The following TBC1D2B variants were observed in gnomAD, a reference collection of about 807,000 sequenced individuals.
TBC1D2B encodes the protein TBC1 domain family, member 2B.
A neutral mutation model predicts 100.8 loss-of-function variants in TBC1D2B; 64 were observed. The ratio of observed to expected loss-of-function variants is 0.64; its 90% CI spans 0.52 to 0.78. The LOEUF is 0.78. Ranked by LOEUF, TBC1D2B falls within the 30% of genes least tolerant of loss-of-function variation. TBC1D2B has a pLI of 0.00. For synonymous variants in TBC1D2B, 480 were observed against 479.7 expected (o/e 1.00, Z -0.01); for missense variants, 1,052 against 1,218.4 (o/e 0.86, Z 2.03).
rs1296788454 is a variant in TBC1D2B at position 77,995,487 on chromosome 15, A to C, written c.*2673T>G. On this transcript the variant is annotated 3_prime_UTR_variant, in exon 13 of 13. Transcript: ENST00000300584. ...AGTGAGAGTCAGGGCCAGAGGGAAA[A>C]GCAACTCGGAGGCTGAGGCTGGCAC... is the stretch of plus-strand genomic sequence containing the variant. 2 of 152,314 alleles carry C rather than the reference A, an allele frequency of 1.3e-5. No individual in the cohort carries two copies. 9.4% of individuals were successfully genotyped at this position (152,314 alleles called of 1,614,324 possible). A position where few individuals can be genotyped will look rare whatever the true frequency, so the allele number is the denominator to read the frequency against.
intron 1 of TBC1D2B, among the ~76,000 whole-genome samples, 188 bp downstream of exon 1, chr15:78,077,105 T>C (rs1195946401): frequency 6.6e-6 from 1 of 152,206 alleles, no homozygotes; most frequent in Admixed American, 6.5e-5. Context: ...CCAGCGAGAC[T>C]GGCCTAAGCC....
rs551759490 is a variant in TBC1D2B, at chr15:78,024,444, C to T, written c.1182G>A (p.Thr394=). Residue 394 remains threonine, a synonymous_variant, in exon 6 of 13, where the codon ACG becomes ACA. Transcript: ENST00000300584. Reference sequence around the variant, plus strand: ...CATCCTTTTGGTGCAGAAGCTCGAGCGTGTCCTTTGGGACCCCCTCACAGA... The same window carrying T: ...CATCCTTTTGGTGCAGAAGCTCGAGTGTGTCCTTTGGGACCCCCTCACAGA... ...SRLCEGVPKD[T]LELLHQKDDQ... 20 of 1,614,004 alleles carry T rather than the reference C, an allele frequency of 1.2e-5. No individual in the cohort carries two copies. Among genetic ancestry groups the T allele is most frequent in the Non-Finnish European group, 1.4e-5 (16 of 1,179,898 alleles).
At chr15:78,066,135 A>C (rs1596330851) in intron 1 of TBC1D2B, 1 of 460,806 alleles carries the variant, frequency 2.2e-6, no homozygotes, top group Non-Finnish European at 4.6e-6. Flanking sequence ...TCAGGAAGGA[A>C]CCCTAGCACG....
intron 1 of TBC1D2B, among the ~76,000 whole-genome samples, chr15:78,057,259 T>C (rs1223008137): frequency 6.6e-6 from 1 of 152,148 alleles, no homozygotes; most frequent in Non-Finnish European, 1.5e-5. Flanking sequence ...TATCATATTG[T>C]AGAAATTTGG....
At chr15:78,031,447 G>A (rs781696156) in intron 3 of TBC1D2B, among the ~76,000 whole-genome samples, 16 of 150,114 alleles carry the variant, frequency 1.1e-4, no homozygotes, top group African/African-American at 2.2e-4. Context: ...CCAGCTACTC[G>A]GGAGGCTGAG....
intron 10 of TBC1D2B, among the ~76,000 whole-genome samples, chr15:78,005,299 C>G (rs2072036701): frequency 6.6e-6 from 1 of 152,198 alleles, no homozygotes; most frequent in Non-Finnish European, 1.5e-5. Context: ...GTGTCCTCAG[C>G]ACCTAGCAAG....
intron 8 of TBC1D2B, among the ~76,000 whole-genome samples, chr15:78,014,932 T>C (rs1418216632): frequency 6.6e-6 from 1 of 152,186 alleles, no homozygotes; most frequent in Non-Finnish European, 1.5e-5. Context: ...CTGGGTGCGG[T>C]GGCTGACACC....
intron 1 of TBC1D2B, among the ~76,000 whole-genome samples, chr15:78,070,590 C>A (rs762412085): frequency 6.6e-6 from 1 of 152,204 alleles, no homozygotes; most frequent in African/African-American, 2.4e-5. Context: ...CTACAGCCTG[C>A]GGTCATTTCC....
intron 12 of TBC1D2B, among the ~76,000 whole-genome samples, chr15:78,000,328 C>T (rs142053840): frequency 1.0e-3 from 159 of 152,346 alleles, no homozygotes; most frequent in African/African-American, 3.4e-3. Flanking sequence ...CACTCACCTC[C>T]GCTCCTCCTG....
chr15:78,070,307 G>A (rs77106362), intron 1 of TBC1D2B, among the ~76,000 whole-genome samples: 2 of 149,498 alleles, frequency 1.3e-5, no homozygotes, highest in Middle Eastern at 3.4e-3. Context: ...CTCAAATGTC[G>A]CTTCTTCAGG....
chr15:78,024,600 G>T, intron 5 of TBC1D2B, 61 bp from the exon 6 acceptor site: 1 of 1,462,984 alleles, frequency 6.8e-7, no homozygotes, highest in Non-Finnish European at 9.2e-7. Context: ...AGGAAAAGCA[G>T]AAATCATGAC....
chr15:78,010,117 C>A (rs566901010), intron 9 of TBC1D2B, among the ~76,000 whole-genome samples: 3 of 152,278 alleles, frequency 2.0e-5, no homozygotes, highest in Admixed American at 6.5e-5. Context: ...AAACAGCTTT[C>A]CCAACACCAT....
chr15:78,012,176 G>T (rs561570983), intron 9 of TBC1D2B, among the ~76,000 whole-genome samples: 104 of 152,336 alleles, frequency 6.8e-4, no homozygotes, highest in African/African-American at 2.4e-3. Flanking sequence ...CGCCAGCCAG[G>T]TAAGAAGCAG....
intron 6 of TBC1D2B, among the ~76,000 whole-genome samples, chr15:78,018,899 T>C (rs1008118513): frequency 1.3e-5 from 2 of 152,184 alleles, no homozygotes; most frequent in Non-Finnish European, 2.9e-5. Context: ...CTTCTAAATG[T>C]TCTTTACAAA....
chr15:78,024,264 G>T lies in TBC1D2B; in HGVS notation c.1362C>A (p.Ile454=). ...TGCCCTCGCCCTCGCTGAGCTTGAT[G>T]ATGACCTCGTCCTTGGCTTGGATGG... is the stretch of plus-strand genomic sequence containing the variant. ...METIQAKDEV[I]IKLSEGEGNG... The change falls in exon 6 of 13, where the codon ATC becomes ATA. Residue 454 remains isoleucine, a synonymous_variant. Transcript: ENST00000300584. 1 of 1,614,034 alleles carries T rather than the reference G, an allele frequency of 6.2e-7. No individual in the cohort carries two copies. Among genetic ancestry groups the T allele is most frequent in the Non-Finnish European group, 8.5e-7 (1 of 1,179,902 alleles).
Position 78,054,021 on chromosome 15 carries a change from A to G in TBC1D2B, c.514+13T>C. ...CAAAGAACTGACCCAGCTCCCCTTTATTTCTGCCTTACCAGTGTTATCTCT... is the reference window on the plus strand; with the variant it reads ...CAAAGAACTGACCCAGCTCCCCTTTGTTTCTGCCTTACCAGTGTTATCTCT... On this transcript the variant is annotated intron_variant, in intron 2 of 12. Transcript: ENST00000300584. 1.2e-6 allele frequency: 2 copies of G among 1,607,694 alleles called. No homozygotes were observed. The highest frequency in any genetic ancestry group is 8.5e-7 in the Non-Finnish European group (1 of 1,177,644).
chr15:78,059,289 G>A (rs144482023), intron 1 of TBC1D2B, among the ~76,000 whole-genome samples: 22 of 152,334 alleles, frequency 1.4e-4, no homozygotes, highest in Non-Finnish European at 2.9e-4. Context: ...AAGATGTCTT[G>A]CACAGTGTCC....
At chr15:78,025,597 G>A in intron 4 of TBC1D2B, 100 bp from the exon 5 acceptor site, 2 of 878,480 alleles carry the variant, frequency 2.3e-6, no homozygotes, top group Non-Finnish European at 3.3e-6. Context: ...CGCAATGTCG[G>A]CTCACTGTAA....
intron 2 of TBC1D2B, among the ~76,000 whole-genome samples, chr15:78,049,696 T>C (rs1567029686): frequency 6.6e-6 from 1 of 152,138 alleles, no homozygotes; most frequent in Non-Finnish European, 1.5e-5. Context: ...ATGTCTCTGC[T>C]GACACCAAAT....
Sources: gnomAD v4.1 joint callset for allele counts (sites outside exome capture counted in the v4.1 genomes callset) on GRCh38, gnomAD v4.1.1 for gene constraint, MANE v1.5 for transcripts, NCBI Gene and HGNC (gene_info 2026-07-23, HGNC 2026-07-21) for gene names.